Variants in ABCD2 observed in about 807,000 individuals in gnomAD.
ABCD2 encodes the protein ATP-binding cassette sub-family D member 2.
Under a neutral mutation model 70.9 loss-of-function variants are expected in ABCD2, and 36 were observed. The observed-to-expected ratio is 0.51, with a 90% CI of 0.39 to 0.67. The LOEUF (loss-of-function observed/expected upper bound fraction) is 0.67. ABCD2 is among the 30% of genes least tolerant of loss of function. The pLI is 0.00. For synonymous variants in ABCD2, 304 were observed against 306.9 expected (o/e 0.99, Z 0.10); for missense variants, 729 against 890.2 (o/e 0.82, Z 2.30).
intron 4 of ABCD2, 78 bp from the exon 5 acceptor site, chr12:39,604,084 A>G (rs1413453106): frequency 1.8e-5 from 17 of 931,418 alleles, no homozygotes; most frequent in Non-Finnish European, 2.7e-5. Flanking sequence ...TATGCAGTAT[A>G]ACAGGTAATT....
At chr12:39,532,605 T>TAGCA in the ABCD2 span, among the ~76,000 whole-genome samples, 2 of 152,148 alleles carry the variant, frequency 1.3e-5, no homozygotes, top group African/African-American at 4.8e-5. Context: ...GAAATACACT[T>TAGCA]AGCAGCATGG....
chr12:39,568,149 T>A (rs1941386627), intron 9 of ABCD2, among the ~76,000 whole-genome samples: 1 of 152,168 alleles, frequency 6.6e-6, no homozygotes, highest in Admixed American at 6.5e-5. Flanking sequence ...ATTCTCTGTA[T>A]TTCGTGAATT....
the ABCD2 span, among the ~76,000 whole-genome samples, chr12:39,537,228 G>T: frequency 1.3e-5 from 2 of 152,058 alleles, no homozygotes; most frequent in Non-Finnish European, 2.9e-5. Flanking sequence ...AATTAAACTT[G>T]TGCAAAACTG....
At chr12:39,589,256 G>A (rs1941709433) in intron 6 of ABCD2, among the ~76,000 whole-genome samples, 1 of 151,884 alleles carries the variant, frequency 6.6e-6, no homozygotes, top group Admixed American at 6.6e-5. Context: ...GACAGCACAA[G>A]CTTATTTTAT....
In ABCD2 at chr12:39,586,729, A is replaced by G. The variant is rs1941671482; in HGVS notation, c.1647-432T>C. On this transcript the variant is annotated intron_variant, in intron 6 of 9. Coordinates refer to ENST00000308666, the MANE Select transcript of ABCD2 (RefSeq NM_005164.4). ...CATTTTCAGCAGGGAAATATTGTAT[A>G]TACTTTGTTTCACTGTATTTGATAA... Among the ~76,000 whole-genome samples the G allele has an allele frequency of 1.3e-5, 2 of 152,172 alleles. 1 individual carries two copies. Among genetic ancestry groups the G allele is most frequent in the South Asian group, 4.1e-4 (2 of 4,832 alleles).
intron 6 of ABCD2, among the ~76,000 whole-genome samples, chr12:39,591,327 T>C (rs902882078): frequency 9.9e-5 from 15 of 152,204 alleles, no homozygotes; most frequent in African/African-American, 3.4e-4. Context: ...ATTACTGAAA[T>C]TATATCTTTT....
chr12:39,616,581 A>G (rs1344661434), intron 2 of ABCD2, among the ~76,000 whole-genome samples: 1 of 152,176 alleles, frequency 6.6e-6, no homozygotes, highest in Non-Finnish European at 1.5e-5. Context: ...GTTATAGAAT[A>G]TTTATAGACT....
chr12:39,619,443 G>C lies in ABCD2; in HGVS notation c.173C>G (p.Pro58Arg), dbSNP rs1308517280. The change falls in exon 1 of 10, where the codon CCT becomes CGT. Residue 58 changes from proline to arginine, a missense_variant. By Grantham distance (103) the Pro-to-Arg change is moderately radical. Transcript: ENST00000308666. ...CAGTATTTCTGTGTTCTCTGCAGCAGGGTAAGCTGCTGCTTTTTTCTTCCC... is the reference window on the plus strand; with the variant it reads ...CAGTATTTCTGTGTTCTCTGCAGCACGGTAAGCTGCTGCTTTTTTCTTCCC... ...GHGKKKAAAY[P>R]AAENTEILHC... 6.2e-7 allele frequency: 1 copy of C among 1,614,088 alleles called. No homozygotes were observed. The highest frequency in any genetic ancestry group is 2.2e-5 in the East Asian group (1 of 44,882).
chr12:39,575,152 T>G (rs1941499374), intron 8 of ABCD2, among the ~76,000 whole-genome samples: 5 of 152,166 alleles, frequency 3.3e-5, no homozygotes, highest in Admixed American at 3.3e-4. Flanking sequence ...TGAGTAAAAT[T>G]TTCCTTTTGT....
chr12:39,601,402 A>G (rs1300069406), intron 5 of ABCD2, among the ~76,000 whole-genome samples: 1 of 151,228 alleles, frequency 6.6e-6, no homozygotes, highest in East Asian at 1.9e-4. Context: ...TATATATATA[A>G]TATTCATAAA....
intron 9 of ABCD2, among the ~76,000 whole-genome samples, chr12:39,565,868 C>T (rs192092062): frequency 3.9e-5 from 6 of 152,308 alleles, no homozygotes; most frequent in African/African-American, 1.4e-4. Flanking sequence ...GAGGCCTTTT[C>T]TGCATCTATT....
intron 6 of ABCD2, among the ~76,000 whole-genome samples, chr12:39,594,731 T>A (rs897475991): frequency 2.0e-5 from 3 of 152,206 alleles, no homozygotes; most frequent in Non-Finnish European, 4.4e-5. Context: ...CCCAGCACTT[T>A]GGGAGGCCAA....
intron 1 of ABCD2, 34 bp downstream of exon 1, chr12:39,618,643 C>A: frequency 6.4e-7 from 1 of 1,572,670 alleles, no homozygotes. Flanking sequence ...TGAACAGTTT[C>A]ACATTTCACC....
rs1941069399 is a variant in ABCD2 at position 39,550,270 on chromosome 12, G to A, written c.*3642C>T. 1 of 151,574 alleles carries A rather than the reference G, an allele frequency of 6.6e-6. No homozygotes were observed. The highest frequency in any genetic ancestry group is 1.5e-5 in the Non-Finnish European group (1 of 67,698). 9.4% of individuals were successfully genotyped at this position (151,574 alleles called of 1,614,324 possible). A position where few individuals can be genotyped will look rare whatever the true frequency, so the allele number is the denominator to read the frequency against. ...TAGAAACAGGGTATTTTGTAAAAAT[G>A]GAATAATTTGTAATTCCTTTGATTA... On this transcript the variant is annotated 3_prime_UTR_variant, in exon 10 of 10. Transcript: ENST00000308666.
chr12:39,600,052 CTA>C lies in ABCD2; in HGVS notation c.1646+517_1646+518del, dbSNP rs1318419389. 8.6e-5 allele frequency among the ~76,000 whole-genome samples: 13 copies of C among 151,950 alleles called. No homozygotes were observed. The East Asian group carries it at 2.5e-3, about 29-fold the overall frequency. On this transcript the variant is annotated intron_variant, in intron 6 of 9. Transcript: ENST00000308666. ...GCTCTGAAGAAATAATGTTCTTTTT[CTA>C]TGTTTACATGATACTCATTCTTACA...
intron 6 of ABCD2, among the ~76,000 whole-genome samples, chr12:39,587,929 G>A (rs1313463358): frequency 3.3e-5 from 5 of 152,144 alleles, no homozygotes; most frequent in Non-Finnish European, 7.4e-5. Flanking sequence ...AAGACAGAAA[G>A]AATCAGGCGG....
intron 2 of ABCD2, among the ~76,000 whole-genome samples, chr12:39,608,671 G>C (rs767777774): frequency 5.3e-5 from 8 of 152,114 alleles, no homozygotes; most frequent in Non-Finnish European, 1.0e-4. Flanking sequence ...CTGGGTGACA[G>C]AGTGAGACCC....
Position 39,600,680 on chromosome 12 carries a change from TGG to T in ABCD2, c.1535_1536del (p.Pro512GlnfsTer20), listed in dbSNP as rs1053984602. On this transcript the variant is annotated frameshift_variant, in exon 6 of 10. Coordinates refer to ENST00000308666, the MANE Select transcript of ABCD2 (RefSeq NM_005164.4). LOFTEE classifies it high-confidence loss of function. ...EEGMHLLITG[P>X]NGCGKSSLFR... ...AAGAGAGAACTTTTCCCACAACCAT[TGG>T]GACCAGTTATCAAAAGATGCATTCC... is the stretch of plus-strand genomic sequence containing the variant. The T allele has an allele frequency of 1.2e-6, 2 of 1,612,110 alleles. No individual in the cohort carries two copies. The highest frequency in any genetic ancestry group is 1.7e-6 in the Non-Finnish European group (2 of 1,179,110).
At chr12:39,542,976 T>G in the ABCD2 span, among the ~76,000 whole-genome samples, 30 of 152,268 alleles carry the variant, frequency 2.0e-4, no homozygotes, top group Non-Finnish European at 3.5e-4. Context: ...TCTTTTGAAG[T>G]TGATCATCAT....
Sources: allele counts gnomAD v4.1 joint callset (sites outside exome capture counted in the v4.1 genomes callset), GRCh38; gene constraint gnomAD v4.1.1; transcripts MANE v1.5; gene names NCBI Gene and HGNC (gene_info 2026-07-23, HGNC 2026-07-21).